The following CCDC12 variants were observed in gnomAD, a reference collection of about 807,000 sequenced individuals.
The protein encoded by CCDC12 is coiled-coil domain-containing protein 12.
CCDC12 carries 28 observed loss-of-function variants against 25.7 expected under a neutral mutation model. That is an observed-to-expected ratio of 1.09 (90% CI 0.81 to 1.50). The LOEUF (loss-of-function observed/expected upper bound fraction) is 1.50, where lower values mean the gene tolerates loss of function less well. Ranked by LOEUF, CCDC12 falls within the 40% of genes most tolerant of loss-of-function variation. The probability of loss-of-function intolerance (pLI) is 0.00; values close to 1 mark genes in which losing one functional copy is unlikely to be tolerated. For missense variants in CCDC12, 198 were observed against 210.0 expected, an observed-to-expected ratio of 0.94 and a Z score of 0.35; for synonymous variants, 75 against 87.7, an observed-to-expected ratio of 0.86 and a Z score of 0.81.
At chr3:46,944,401 T>A (rs146046795) in intron 1 of CCDC12, among the ~76,000 whole-genome samples, 1 of 152,102 alleles carries the variant, frequency 6.6e-6, no homozygotes, top group Non-Finnish European at 1.5e-5. Context: ...TGTGCTCAGA[T>A]GCGGCCACAG....
At chr3:46,932,599 A>C (rs1335654264) in intron 2 of CCDC12, among the ~76,000 whole-genome samples, 3 of 152,204 alleles carry the variant, frequency 2.0e-5, no homozygotes, top group Admixed American at 6.5e-5. Context: ...TGGCCACACA[A>C]AGAGGACAAG....
At chr3:46,923,168 C>CCT in intron 5 of CCDC12, 161 bp downstream of exon 5, 1 of 712,496 alleles carries the variant, frequency 1.4e-6, no homozygotes, top group Non-Finnish European at 2.0e-6. Context: ...CCACTTATGT[C>CCT]CTCCTCAGCA....
intron 1 of CCDC12, among the ~76,000 whole-genome samples, chr3:46,946,728 C>A (rs990266903): frequency 1.3e-5 from 2 of 152,194 alleles, no homozygotes; most frequent in Non-Finnish European, 2.9e-5. Context: ...CCAGCCTGGA[C>A]CTGCCCCAGC....
At chr3:46,938,522 T>G (rs907688687) in intron 2 of CCDC12, among the ~76,000 whole-genome samples, 1 of 142,726 alleles carries the variant, frequency 7.0e-6, no homozygotes, top group South Asian at 2.4e-4. Flanking sequence ...CCTCCTGTTT[T>G]TTTTTTTTTT....
At chr3:46,971,555 A>C (rs2034803528) in intron 1 of CCDC12, among the ~76,000 whole-genome samples, 1 of 152,202 alleles carries the variant, frequency 6.6e-6, no homozygotes, top group African/African-American at 2.4e-5. Flanking sequence ...TAATACACGG[A>C]AACATTGCAA....
At position 46,976,712 on chromosome 3, in the gene CCDC12, A is replaced by T; in HGVS notation, c.21T>A (p.Gly7=). Residue 7 remains glycine (G), a synonymous_variant, in exon 1 of 7, where the codon GGT becomes GGA. Coordinates refer to ENST00000683445, the MANE Select transcript of CCDC12 (RefSeq NM_001277074.2). MEATTA[G]VGRLEEEALR... is the part of the protein sequence containing the mutation. ...ACGCCTCTTCCTCTAGCCGGCCCAC[A>T]CCAGCCGTAGTTGCCTCCATCTTGC... 1 of 1,581,132 alleles carries T rather than the reference A, an allele frequency of 6.3e-7. No individual in the cohort carries two copies. Among genetic ancestry groups the T allele is most frequent in the Admixed American group, 1.8e-5 (1 of 54,118 alleles).
At chr3:46,924,098 C>T (rs2032830691) in intron 3 of CCDC12, 1 of 159,738 alleles carries the variant, frequency 6.3e-6, no homozygotes, top group Admixed American at 6.5e-5. Context: ...GTGTATGCTC[C>T]CAAGACCAGG....
chr3:46,972,208 C>T (rs2034825642), intron 1 of CCDC12, among the ~76,000 whole-genome samples: 1 of 152,218 alleles, frequency 6.6e-6, no homozygotes, highest in African/African-American at 2.4e-5. Flanking sequence ...GTGGTTCACA[C>T]CTGTAATCCC....
At chr3:46,949,817 A>C (rs1249926327) in intron 1 of CCDC12, among the ~76,000 whole-genome samples, 1 of 152,136 alleles carries the variant, frequency 6.6e-6, no homozygotes, top group African/African-American at 2.4e-5. Flanking sequence ...TCATAAGGTC[A>C]GGAGTTCGAG....
Position 46,949,902 on chromosome 3 carries a change from C to T in CCDC12, c.97-8837G>A, listed in dbSNP as rs996117396. On this transcript the variant is annotated intron_variant, in intron 1 of 6. Transcript: ENST00000683445. Reference sequence around the variant, plus strand: ...ATTAGCCGGGCATGGTGGCGGGCGCCTGTAGTCCCAGCTACTCGGGAGGCT... The same window carrying T: ...ATTAGCCGGGCATGGTGGCGGGCGCTTGTAGTCCCAGCTACTCGGGAGGCT... Among the ~76,000 whole-genome samples the T allele has an allele frequency of 8.5e-5, 13 of 152,156 alleles. No individual in the cohort carries two copies. The South Asian group carries it at 1.2e-3, about 15-fold the overall frequency.
chr3:46,977,333 C>T (rs559240509), upstream of CCDC12, among the ~76,000 whole-genome samples: 1 of 152,266 alleles, frequency 6.6e-6, no homozygotes, highest in South Asian at 2.1e-4. Flanking sequence ...ATTAACTGGG[C>T]GTGGTGGCGC....
Position 46,974,322 on chromosome 3 carries a change from T to G in CCDC12, c.96+2315A>C, listed in dbSNP as rs141054585. Among the ~76,000 whole-genome samples, 14 of 152,288 alleles carry G rather than the reference T, an allele frequency of 9.2e-5. No homozygotes were observed. In the East Asian group the frequency reaches 2.7e-3, roughly 29 times the overall value. On this transcript the variant is annotated intron_variant, in intron 1 of 6. Transcript: ENST00000683445. ...TGTATTTTCCCACAATTTTAAAACA[T>G]AGAAAAAATAACAATCAGGCCATAC...
chr3:46,923,235 C>A, intron 5 of CCDC12, 94 bp downstream of exon 5: 1 of 1,262,940 alleles, frequency 7.9e-7, no homozygotes, highest in East Asian at 2.8e-5. Context: ...CCAGTCTCTG[C>A]ACTGTGACGG....
chr3:46,976,366 G>A (rs1439470322), intron 1 of CCDC12: 5 of 1,366,862 alleles, frequency 3.7e-6, no homozygotes, highest in South Asian at 1.7e-5. Flanking sequence ...AGCAACACCC[G>A]GGAAGCAGGA....
intron 1 of CCDC12, chr3:46,976,262 G>C: frequency 9.7e-7 from 1 of 1,034,324 alleles, no homozygotes; most frequent in Non-Finnish European, 1.2e-6. Context: ...TCGAAGGCGG[G>C]GGTTAAAGAC....
chr3:46,932,671 C>T (rs1222105052), intron 2 of CCDC12, among the ~76,000 whole-genome samples: 1 of 152,236 alleles, frequency 6.6e-6, no homozygotes, highest in African/African-American at 2.4e-5. Context: ...ATCACAGCCT[C>T]AGGGGGTGGA....
At position 46,939,730 on chromosome 3, in the gene CCDC12, G is replaced by C. The variant is rs577632843; in HGVS notation, c.164+1268C>G. On this transcript the variant is annotated intron_variant, in intron 2 of 6. Coordinates refer to ENST00000683445, the MANE Select transcript of CCDC12 (RefSeq NM_001277074.2). The stretch of plus-strand genomic sequence containing the variant: ...TGGTAGCATGTCTGAACCCGAGTAG[G>C]GGGCATGGACTCTGCAGGGCTCTCA... 4.7e-4 allele frequency among the ~76,000 whole-genome samples: 71 copies of C among 152,290 alleles called. No individual in the cohort carries two copies. In the Middle Eastern group the frequency reaches 0.014, roughly 29 times the overall value.
At chr3:46,934,867 A>G (rs2107123442) in intron 2 of CCDC12, among the ~76,000 whole-genome samples, 1 of 152,362 alleles carries the variant, frequency 6.6e-6, no homozygotes, top group East Asian at 1.9e-4. Context: ...AGGAGGCGTG[A>G]TGGGAGCCGC....
rs183510854 is a variant in CCDC12 at position 46,945,089 on chromosome 3, G to T, written c.97-4024C>A. On this transcript the variant is annotated intron_variant, in intron 1 of 6. Coordinates refer to ENST00000683445, the MANE Select transcript of CCDC12 (RefSeq NM_001277074.2). ...TCTGGGCCTACCCAGTGCATATCAGGGTCTGACCGTAGGCCCAGGGCACAG... is the reference window on the plus strand; with the variant it reads ...TCTGGGCCTACCCAGTGCATATCAGTGTCTGACCGTAGGCCCAGGGCACAG... Among the ~76,000 whole-genome samples the T allele has an allele frequency of 4.6e-5, 7 of 152,272 alleles. No individual in the cohort carries two copies. In the East Asian group the frequency reaches 1.4e-3, roughly 29 times the overall value.
Sources: gnomAD v4.1 joint callset for allele counts (sites outside exome capture counted in the v4.1 genomes callset) on GRCh38, gnomAD v4.1.1 for gene constraint, MANE v1.5 for transcripts, NCBI Gene and HGNC (gene_info 2026-07-23, HGNC 2026-07-21) for gene names.